Variants in PGCKA1 observed in about 807,000 individuals in gnomAD.
PGCKA1 encodes the protein PDCD10 and GCKIII kinases-associated protein 1.
At chr4:37,557,159 ACTTT>A in the PGCKA1 span, among the ~76,000 whole-genome samples, 7 of 152,240 alleles carry the variant, frequency 4.6e-5, no homozygotes, top group Non-Finnish European at 7.3e-5. Flanking sequence ...CACTTGTTTT[ACTTT>A]CTTAAGTTCT....
chr4:37,569,869 T>G, the PGCKA1 span, among the ~76,000 whole-genome samples: 1 of 152,016 alleles, frequency 6.6e-6, no homozygotes, highest in South Asian at 2.1e-4. Flanking sequence ...AAATATCCCG[T>G]CAAAGCCAGC....
chr4:37,509,947 AC>A, the PGCKA1 span, among the ~76,000 whole-genome samples: 7,814 of 141,108 alleles, frequency 0.055, 319 homozygotes, highest in Middle Eastern at 0.083. Context: ...TCAGAGGGAG[AC>A]CGTGGAGAGA....
At chr4:37,574,505 T>C in the PGCKA1 span, among the ~76,000 whole-genome samples, 1 of 152,136 alleles carries the variant, frequency 6.6e-6, no homozygotes, top group Non-Finnish European at 1.5e-5. Context: ...ATTTATGGGG[T>C]ATGTGAAATA....
the PGCKA1 span, among the ~76,000 whole-genome samples, chr4:37,489,827 A>T: frequency 6.6e-6 from 1 of 152,204 alleles, no homozygotes; most frequent in Admixed American, 6.5e-5. Context: ...TGGCAAGCAA[A>T]GGAAAGCTTT....
the PGCKA1 span, among the ~76,000 whole-genome samples, chr4:37,500,970 A>G: frequency 1.3e-5 from 2 of 151,832 alleles, no homozygotes; most frequent in Non-Finnish European, 2.9e-5. Flanking sequence ...TGCTTGGTAG[A>G]TTTTTCTCCA....
the PGCKA1 span, among the ~76,000 whole-genome samples, chr4:37,531,716 C>T: frequency 6.6e-6 from 1 of 151,116 alleles, no homozygotes; most frequent in African/African-American, 2.4e-5. Context: ...CATGGTGAAA[C>T]CCCATCTCTA....
At chr4:37,519,024 C>T in the PGCKA1 span, among the ~76,000 whole-genome samples, 2 of 152,148 alleles carry the variant, frequency 1.3e-5, no homozygotes, top group African/African-American at 4.8e-5. Context: ...ATTGAAGGGA[C>T]TGTCTTTTCC....
At chr4:37,544,990 G>C in the PGCKA1 span, among the ~76,000 whole-genome samples, 2 of 152,074 alleles carry the variant, frequency 1.3e-5, no homozygotes, top group South Asian at 2.1e-4. Context: ...CAAGTAGCTG[G>C]AATTACAGGC....
chr4:37,477,157 C>G, the PGCKA1 span, among the ~76,000 whole-genome samples: 1 of 152,184 alleles, frequency 6.6e-6, no homozygotes, highest in Non-Finnish European at 1.5e-5. Flanking sequence ...AGTTCACTGA[C>G]TGATGAGTAG....
the PGCKA1 span, among the ~76,000 whole-genome samples, chr4:37,541,024 A>G: frequency 2.6e-5 from 4 of 151,966 alleles, no homozygotes; most frequent in African/African-American, 7.3e-5. Context: ...ACTCTGAAGT[A>G]AAAAACACCT....
At chr4:37,531,223 T>C in the PGCKA1 span, among the ~76,000 whole-genome samples, 2 of 152,208 alleles carry the variant, frequency 1.3e-5, no homozygotes, top group African/African-American at 4.8e-5. Flanking sequence ...TTCTACATCC[T>C]TCCTTCTCAG....
chr4:37,591,182 G>A, the PGCKA1 span: 5 of 577,036 alleles, frequency 8.7e-6, no homozygotes, highest in Non-Finnish European at 1.5e-5. Flanking sequence ...CATATCTGGA[G>A]TTTCACTCTG....
chr4:37,552,091 G>C, the PGCKA1 span, among the ~76,000 whole-genome samples: 4 of 152,146 alleles, frequency 2.6e-5, no homozygotes, highest in African/African-American at 9.7e-5. Context: ...GCAGCCCGGG[G>C]CCAGGCCCAA....
the PGCKA1 span, among the ~76,000 whole-genome samples, chr4:37,544,207 G>A: frequency 2.1e-4 from 32 of 152,170 alleles, no homozygotes; most frequent in Admixed American, 2.1e-3. Context: ...AAATCATGCT[G>A]ATGCCCAGCT....
At chr4:37,570,404 C>T in the PGCKA1 span, among the ~76,000 whole-genome samples, 2 of 138,768 alleles carry the variant, frequency 1.4e-5, no homozygotes, top group Admixed American at 7.5e-5. Flanking sequence ...CAAAGACTGC[C>T]CAAAAGAGTA....
the PGCKA1 span, among the ~76,000 whole-genome samples, chr4:37,494,887 CT>C: frequency 6.6e-6 from 1 of 152,122 alleles, no homozygotes; most frequent in East Asian, 1.9e-4. Flanking sequence ...TAATATTGGG[CT>C]TTTTTTCATA....
At chr4:37,533,580 G>C in the PGCKA1 span, among the ~76,000 whole-genome samples, 1 of 152,126 alleles carries the variant, frequency 6.6e-6, no homozygotes, top group African/African-American at 2.4e-5. Context: ...AAAATTCCAA[G>C]AACAGCCCTC....
At chr4:37,467,762 AAT>A in the PGCKA1 span, among the ~76,000 whole-genome samples, 2 of 152,198 alleles carry the variant, frequency 1.3e-5, no homozygotes, top group African/African-American at 4.8e-5. Flanking sequence ...CTCATAAATA[AAT>A]ATGTCTTTCT....
At chr4:37,465,320 G>A in the PGCKA1 span, among the ~76,000 whole-genome samples, 8 of 151,924 alleles carry the variant, frequency 5.3e-5, no homozygotes, top group Non-Finnish European at 8.8e-5. Flanking sequence ...ACCGTGCCAG[G>A]TGGTGAGGAT....
Sources: gnomAD v4.1 joint callset for allele counts (sites outside exome capture counted in the v4.1 genomes callset) on GRCh38, gnomAD v4.1.1 for gene constraint, MANE v1.5 for transcripts, NCBI Gene and HGNC (gene_info 2026-07-23, HGNC 2026-07-21) for gene names.